The following SLC35F4 variants were observed in gnomAD, a reference collection of about 807,000 sequenced individuals.
SLC35F4 encodes the protein solute carrier family 35 member F4.
Under a neutral mutation model 44.2 loss-of-function variants are expected in SLC35F4, and 24 were observed. The ratio of observed to expected loss-of-function variants is 0.54; its 90% CI spans 0.39 to 0.76. The LOEUF is 0.76. Ranked by LOEUF, SLC35F4 falls within the 30% of genes least tolerant of loss-of-function variation. The pLI, the probability that SLC35F4 is intolerant of heterozygous loss-of-function variation, is 0.00. For missense variants in SLC35F4, 562 were observed against 586.1 expected, an observed-to-expected ratio of 0.96 and a Z score of 0.42; for synonymous variants, 238 against 223.6, an observed-to-expected ratio of 1.06 and a Z score of -0.57.
rs376330139 is a variant in SLC35F4 at position 57,914,100 on chromosome 14, G to A, written n.282+67813C>T. Among the ~76,000 whole-genome samples the A allele has an allele frequency of 2.0e-5, 3 of 152,100 alleles. No individual in the cohort carries two copies. In the South Asian group the frequency reaches 6.2e-4, roughly 32 times the overall value. On this transcript the variant is annotated intron_variant and non_coding_transcript_variant, in intron 1 of 1. Coordinates refer to the SLC35F4 transcript ENST00000556568. The stretch of plus-strand genomic sequence containing the variant: ...GTCTTAGTCTGTTTTATGCTGCTAT[G>A]AGAGAATACCACCAGTGGGTAACTT...
At chr14:57,690,252 G>A (rs909655478) in intron 1 of SLC35F4, among the ~76,000 whole-genome samples, 2 of 152,166 alleles carry the variant, frequency 1.3e-5, no homozygotes, top group Non-Finnish European at 2.9e-5. Flanking sequence ...TGTGTGCTAG[G>A]TACTACGAAT....
chr14:57,664,727 C>A (rs942587131), intron 1 of SLC35F4, among the ~76,000 whole-genome samples: 14 of 152,222 alleles, frequency 9.2e-5, no homozygotes, highest in Non-Finnish European at 1.8e-4. Context: ...TTCTAAACTG[C>A]GGATTACACA....
intron 1 of SLC35F4, among the ~76,000 whole-genome samples, chr14:57,879,405 A>G (rs1475126117): frequency 2.0e-5 from 3 of 152,026 alleles, no homozygotes; most frequent in East Asian, 1.9e-4. Context: ...GGTCTAAACC[A>G]TCAAGCCTGA....
At chr14:57,616,678 A>C (rs968711013) in intron 1 of SLC35F4, among the ~76,000 whole-genome samples, 1 of 152,044 alleles carries the variant, frequency 6.6e-6, no homozygotes, top group Non-Finnish European at 1.5e-5. Flanking sequence ...TTTACTTTGA[A>C]TTCCACTCTT....
intron 1 of SLC35F4, among the ~76,000 whole-genome samples, chr14:57,820,790 C>T (rs1030809280): frequency 6.6e-6 from 1 of 152,154 alleles, no homozygotes; most frequent in Admixed American, 6.6e-5. Flanking sequence ...CTATAAGGAT[C>T]ATCAGACTTA....
At chr14:57,564,621 G>A (rs2068113734) in intron 7 of SLC35F4, among the ~76,000 whole-genome samples, 1 of 152,198 alleles carries the variant, frequency 6.6e-6, no homozygotes, top group East Asian at 1.9e-4. Flanking sequence ...TTTTCTCTCA[G>A]TACTTTTCCT....
At chr14:57,744,479 A>C (rs1167656018) in intron 1 of SLC35F4, among the ~76,000 whole-genome samples, 2 of 152,244 alleles carry the variant, frequency 1.3e-5, no homozygotes, top group Admixed American at 6.5e-5. Flanking sequence ...ATTCACAATA[A>C]CTTCAAAGAG....
intron 1 of SLC35F4, among the ~76,000 whole-genome samples, chr14:57,680,241 A>C (rs2146617): frequency 0.63 from 95,598 of 151,916 alleles, 30,448 homozygotes; most frequent in South Asian, 0.72. Flanking sequence ...ATAAACATAA[A>C]CCATCACATA....
chr14:57,774,344 C>G (rs1276078564), intron 1 of SLC35F4, among the ~76,000 whole-genome samples: 1 of 152,184 alleles, frequency 6.6e-6, no homozygotes, highest in Non-Finnish European at 1.5e-5. Flanking sequence ...AATGCCCATG[C>G]AGGAGACCTC....
chr14:57,753,889 T>A (rs2076939557), intron 1 of SLC35F4, among the ~76,000 whole-genome samples: 1 of 151,934 alleles, frequency 6.6e-6, no homozygotes, highest in Non-Finnish European at 1.5e-5. Flanking sequence ...TCTGTACCAG[T>A]TCTATATGAT....
At chr14:57,894,343 C>A (rs975997644) in intron 1 of SLC35F4, among the ~76,000 whole-genome samples, 11 of 151,992 alleles carry the variant, frequency 7.2e-5, no homozygotes, top group African/African-American at 2.7e-4. Context: ...CAAAATGTCC[C>A]TTTGCAGCAC....
At chr14:57,814,874 A>ATC (rs77644871) in intron 1 of SLC35F4, among the ~76,000 whole-genome samples, 4,306 of 152,306 alleles carry the variant, frequency 0.028, 119 homozygotes, top group African/African-American at 0.075. Context: ...AAACTGAAAC[A>ATC]TCTGTTTTAA....
chr14:57,717,279 A>C (rs533479794), intron 1 of SLC35F4, among the ~76,000 whole-genome samples: 1 of 152,228 alleles, frequency 6.6e-6, no homozygotes, highest in South Asian at 2.1e-4. Context: ...TAGTTTTTTG[A>C]GGATCCTCAT....
At chr14:57,670,451 T>C (rs1442975331) in intron 1 of SLC35F4, among the ~76,000 whole-genome samples, 2 of 152,108 alleles carry the variant, frequency 1.3e-5, no homozygotes, top group South Asian at 4.1e-4. Context: ...TCTTTCCTGC[T>C]TTCTCTTGTG....
intron 1 of SLC35F4, among the ~76,000 whole-genome samples, chr14:57,614,223 A>G (rs1230715078): frequency 6.6e-6 from 1 of 152,382 alleles, no homozygotes; most frequent in East Asian, 1.9e-4. Flanking sequence ...AATATTGAAT[A>G]AAAATGGTTT....
chr14:57,872,127 C>A (rs912056743), intron 1 of SLC35F4, among the ~76,000 whole-genome samples: 2 of 152,176 alleles, frequency 1.3e-5, no homozygotes, highest in Non-Finnish European at 2.9e-5. Context: ...CCAGAATACA[C>A]GTTCAATACA....
intron 1 of SLC35F4, among the ~76,000 whole-genome samples, chr14:57,725,674 T>C (rs2076184413): frequency 1.3e-5 from 2 of 152,210 alleles, no homozygotes; most frequent in East Asian, 3.9e-4. Context: ...GCTGGATTAA[T>C]AGAACAGTGG....
Position 57,564,317 on chromosome 14 carries a change from T to C in SLC35F4, c.1276A>G (p.Ile426Val), listed in dbSNP as rs768692600. 7 of 1,612,210 alleles carry C rather than the reference T, an allele frequency of 4.3e-6. No individual in the cohort carries two copies. The highest frequency in any genetic ancestry group is 1.6e-4 in the Middle Eastern group (1 of 6,062). ...FNVVRLAATI[I>V]ICIGFLLMLL... ...ATCAGCAGAAACCCAATGCAGATGA[T>C]GATGGTAGCAGCCAGGCGGACAACA... Residue 426 changes from isoleucine (I) to valine (V), a missense_variant, in exon 8 of 8, where the codon ATC becomes GTC. By Grantham distance (29) the Ile-to-Val change is conservative. Coordinates refer to ENST00000556826, the MANE Select transcript of SLC35F4 (RefSeq NM_001306087.2).
rs964611909 is a variant in SLC35F4, at chr14:57,637,814, G to A, written c.104-43690C>T. Among the ~76,000 whole-genome samples the A allele has an allele frequency of 3.9e-5, 6 of 152,144 alleles. No individual in the cohort carries two copies. In the East Asian group the frequency reaches 1.2e-3, roughly 30 times the overall value. ...TCCTAATCCCCTCAGCTGACTGAAT[G>A]AACCCCTCTTGGCAAAAGGGACCCC... On this transcript the variant is annotated intron_variant, in intron 1 of 7. Transcript: ENST00000556826.
Sources: gnomAD v4.1 joint callset for allele counts (sites outside exome capture counted in the v4.1 genomes callset) on GRCh38, gnomAD v4.1.1 for gene constraint, MANE v1.5 for transcripts, NCBI Gene and HGNC (gene_info 2026-07-23, HGNC 2026-07-21) for gene names.